GGT7: variants seen among roughly 807,000 people sequenced by gnomAD.
GGT7 encodes the protein glutathione hydrolase 7.
Under a neutral mutation model 69.2 loss-of-function variants are expected in GGT7, and 30 were observed. The observed-to-expected ratio is 0.43, with a 90% CI of 0.32 to 0.59. The LOEUF (loss-of-function observed/expected upper bound fraction) is 0.59, where lower values mean the gene tolerates loss of function less well. GGT7 is among the 20% of genes least tolerant of loss of function. The pLI is 0.05. For missense variants in GGT7, 733 were observed against 901.1 expected (o/e 0.81, Z 2.39); for synonymous variants, 388 against 391.8 (o/e 0.99, Z 0.12).
At position 34,863,049 on chromosome 20, in the gene GGT7, C is replaced by A. The variant is rs1340426878; in HGVS notation, c.406-84G>T. The A allele has an allele frequency of 3.6e-6, 5 of 1,372,948 alleles. No individual in the cohort carries two copies. Among genetic ancestry groups the A allele is most frequent in the Middle Eastern group, 2.0e-4 (1 of 4,892 alleles). The allele number at this position is 1,372,948 out of a possible 1,614,324, so 85.0% of individuals were successfully genotyped here. On this transcript the variant is annotated intron_variant, in intron 2 of 14. Coordinates refer to ENST00000336431, the MANE Select transcript of GGT7 (RefSeq NM_178026.3). The surrounding 1 kb of genome is among the most constrained non-coding windows in gnomAD (Gnocchi z 4.4). ...CCTCCACTAGCCCTAGAACTCTACGCGGCATGAAGGTCGAAGCCCTGCCCC... is the reference window on the plus strand; with the variant it reads ...CCTCCACTAGCCCTAGAACTCTACGAGGCATGAAGGTCGAAGCCCTGCCCC...
intron 14 of GGT7, among the ~76,000 whole-genome samples, chr20:34,849,698 TG>T (rs1485912790): frequency 2.6e-5 from 4 of 152,316 alleles, no homozygotes; most frequent in African/African-American, 7.2e-5. Context: ...AATGAAAGTT[TG>T]AAGAATGAAC....
At chr20:34,849,865 G>T in intron 14 of GGT7, 96 bp downstream of exon 14, 1 of 652,606 alleles carries the variant, frequency 1.5e-6, no homozygotes, top group South Asian at 2.0e-5. Context: ...AACTTCACTG[G>T]CAGTTGGTGC....
chr20:34,860,723 G>C (rs1345527636), intron 4 of GGT7, among the ~76,000 whole-genome samples: 1 of 145,504 alleles, frequency 6.9e-6, no homozygotes, highest in Non-Finnish European at 1.5e-5. Flanking sequence ...TCCAACTCCT[G>C]GGCTCAAGTC....
intron 7 of GGT7, among the ~76,000 whole-genome samples, chr20:34,857,614 G>GTT (rs2079515629): frequency 7.9e-6 from 1 of 126,588 alleles, no homozygotes; most frequent in Non-Finnish European, 1.7e-5. Flanking sequence ...ATTACACATT[G>GTT]ATTTTTTTTT....
intron 5 of GGT7, 56 bp downstream of exon 5, chr20:34,860,198 C>A (rs956737987): frequency 7.6e-7 from 1 of 1,321,684 alleles, no homozygotes; most frequent in Non-Finnish European, 1.1e-6. Context: ...TAGGAGAAGG[C>A]CACCCAAGGA....
chr20:34,851,499 G>A, intron 12 of GGT7, 131 bp from the exon 13 acceptor site: 1 of 900,160 alleles, frequency 1.1e-6, no homozygotes. Context: ...CTGGGAGACT[G>A]GTCCCTTCCC....
At chr20:34,869,320 C>T (rs1233282210) in intron 1 of GGT7, among the ~76,000 whole-genome samples, 1 of 151,970 alleles carries the variant, frequency 6.6e-6, no homozygotes, top group Admixed American at 6.6e-5. Flanking sequence ...GACAGGCATG[C>T]ACCACCACAC....
chr20:34,846,056 C>A (rs1353754075), intron 14 of GGT7, among the ~76,000 whole-genome samples: 1 of 151,542 alleles, frequency 6.6e-6, no homozygotes, highest in Non-Finnish European at 1.5e-5. Context: ...AAGAGCAAAA[C>A]CCTGTCTCCA....
chr20:34,849,978 T>C lies in GGT7; in HGVS notation c.1808A>G (p.Asn603Ser), dbSNP rs1015864072. ...RGRLHPDLQSNLLQVDSEFTE... is the reference protein window; with the variant it reads ...RGRLHPDLQSSLLQVDSEFTE... ...GCACTCACTGTCCACCTGCAGGAGGTTGGACTGCAGGTCCGGGTGTAGGCG... is the reference window on the plus strand; with the variant it reads ...GCACTCACTGTCCACCTGCAGGAGGCTGGACTGCAGGTCCGGGTGTAGGCG... The change falls in exon 14 of 15, where the codon AAC (asparagine) becomes AGC (serine). Residue 603 changes from asparagine to serine, a missense_variant. Coordinates refer to ENST00000336431, the MANE Select transcript of GGT7 (RefSeq NM_178026.3). The C allele has an allele frequency of 6.2e-7, 1 of 1,607,896 alleles. No homozygotes were observed. The highest frequency in any genetic ancestry group is 8.5e-7 in the Non-Finnish European group (1 of 1,174,608).
intron 8 of GGT7, among the ~76,000 whole-genome samples, chr20:34,856,007 G>A (rs975341260): frequency 6.6e-6 from 1 of 152,118 alleles, no homozygotes; most frequent in Non-Finnish European, 1.5e-5. Context: ...TGCCCAGGCT[G>A]GTCATGAACT....
At chr20:34,855,914 C>T (rs2079484168) in intron 8 of GGT7, among the ~76,000 whole-genome samples, 1 of 151,986 alleles carries the variant, frequency 6.6e-6, no homozygotes, top group African/African-American at 2.4e-5. Context: ...CCCATCTCAA[C>T]CTCCTGAGTA....
intron 7 of GGT7, among the ~76,000 whole-genome samples, chr20:34,857,540 C>CT (rs2079513860): frequency 6.6e-6 from 1 of 152,030 alleles, no homozygotes; most frequent in African/African-American, 2.4e-5. Flanking sequence ...CATAACCACT[C>CT]TGAATCCTTT....
Position 34,863,798 on chromosome 20 carries a change from C to T in GGT7, c.170-250G>A. 2.9e-6 allele frequency: 2 copies of T among 693,312 alleles called. No individual in the cohort carries two copies. The highest frequency in any genetic ancestry group is 2.5e-4 in the Middle Eastern group (1 of 4,068). The allele number at this position is 693,312 out of a possible 1,614,324, so 42.9% of individuals were successfully genotyped here. A position where few individuals can be genotyped will look rare whatever the true frequency, so the allele number is the denominator to read the frequency against. On this transcript the variant is annotated intron_variant, in intron 1 of 14. Transcript: ENST00000336431. The surrounding 1 kb of genome is among the most constrained non-coding windows in gnomAD (Gnocchi z 4.4). ...CTGGATTCCCGCCCCTCCCTGATACCTAGGCCAAATTTCCTGGCACCCAGG... is the reference window on the plus strand; with the variant it reads ...CTGGATTCCCGCCCCTCCCTGATACTTAGGCCAAATTTCCTGGCACCCAGG...
intron 1 of GGT7, among the ~76,000 whole-genome samples, chr20:34,867,069 G>T (rs918124275): frequency 1.3e-5 from 2 of 151,986 alleles, no homozygotes; most frequent in Non-Finnish European, 2.9e-5. Context: ...ATGTCTTGTT[G>T]TTGTTGTTGT....
intron 8 of GGT7, among the ~76,000 whole-genome samples, chr20:34,855,224 C>T (rs561518639): frequency 6.6e-6 from 1 of 152,284 alleles, no homozygotes; most frequent in South Asian, 2.1e-4. Context: ...CAGCAGAGCA[C>T]AGCAGAAACA....
At chr20:34,864,816 G>A (rs187587638) in intron 1 of GGT7, among the ~76,000 whole-genome samples, 3 of 151,946 alleles carry the variant, frequency 2.0e-5, no homozygotes, top group East Asian at 3.9e-4. Flanking sequence ...GTCACTACTC[G>A]AGAGGCTATT....
intron 1 of GGT7, among the ~76,000 whole-genome samples, chr20:34,868,861 G>T (rs2079735391): frequency 6.6e-6 from 1 of 152,174 alleles, no homozygotes; most frequent in South Asian, 2.1e-4. Context: ...GAGGCCTTCT[G>T]CCAATGAAGC....
chr20:34,856,800 G>A lies in GGT7; in HGVS notation c.1102+6C>T, dbSNP rs1355462836. 1.9e-6 allele frequency: 3 copies of A among 1,577,016 alleles called. No individual in the cohort carries two copies. In the Admixed American group the frequency reaches 5.0e-5, roughly 26 times the overall value. ...GGGGGACCCTGGGAGCCGGGGGAGA[G>A]GTCACCTCTGTACACGCCACACACA... On this transcript the variant is annotated splice_donor_region_variant and intron_variant, in intron 8 of 14. Coordinates refer to ENST00000336431, the MANE Select transcript of GGT7 (RefSeq NM_178026.3).
At chr20:34,859,828 G>A in intron 6 of GGT7, 141 bp downstream of exon 6, 1 of 785,714 alleles carries the variant, frequency 1.3e-6, no homozygotes, top group Non-Finnish European at 2.1e-6. Flanking sequence ...GCCGCCTCCA[G>A]GTGAGGGTGG....
Sources: gnomAD v4.1 joint callset for allele counts (sites outside exome capture counted in the v4.1 genomes callset) on GRCh38, gnomAD v4.1.1 for gene constraint, Gnocchi (gnomAD v3.1) non-coding constraint, MANE v1.5 for transcripts, NCBI Gene and HGNC (gene_info 2026-07-23, HGNC 2026-07-21) for gene names.